The following CAPN14 variants were observed in gnomAD, a reference collection of about 807,000 sequenced individuals.
The protein encoded by CAPN14 is calpain 14.
A neutral mutation model predicts 101.3 loss-of-function variants in CAPN14; 94 were observed. The ratio of observed to expected loss-of-function variants is 0.93; its 90% confidence interval spans 0.79 to 1.10. CAPN14 has a LOEUF of 1.10. Among genes scored for constraint, CAPN14 ranks in the 50% least tolerant of loss-of-function variants. The pLI is 0.00. For missense variants in CAPN14, 837 were observed against 828.4 expected, an observed-to-expected ratio of 1.01 and a Z score of -0.13; for synonymous variants, 338 against 317.9, an observed-to-expected ratio of 1.06 and a Z score of -0.67.
At chr2:31,227,202 T>C (rs1247923264) in intron 1 of CAPN14, among the ~76,000 whole-genome samples, 1 of 152,202 alleles carries the variant, frequency 6.6e-6, no homozygotes, top group African/African-American at 2.4e-5. Context: ...TCTCGTGGTG[T>C]GGGCTTTCCT....
upstream of CAPN14, among the ~76,000 whole-genome samples, chr2:31,218,879 C>T (rs1366691099): frequency 6.6e-6 from 1 of 152,210 alleles, no homozygotes; most frequent in African/African-American, 2.4e-5. Context: ...TTCCCCCTGC[C>T]TCATGTGCCA....
chr2:31,203,266 T>C (rs999374118), intron 2 of CAPN14, 127 bp from the exon 3 acceptor site: 1 of 682,680 alleles, frequency 1.5e-6, no homozygotes, highest in African/African-American at 1.8e-5. Context: ...ATAGGTGTAA[T>C]CAGTGCTATC....
In CAPN14 at chr2:31,178,853, T is replaced by C. The variant is rs7578398; in HGVS notation, c.1711-274A>G. 0.33 allele frequency among the ~76,000 whole-genome samples: 50,812 copies of C among 151,824 alleles called. 10,107 individuals are homozygous for C. The highest frequency in any genetic ancestry group is 0.55 in the African/African-American group (22,680 of 41,356). ...ATGATGGTGATGACCACAGCTAGCA[T>C]TAAGGGAGGCAGAATTTTTTTAATG... On this transcript the variant is annotated intron_variant, in intron 17 of 21. Coordinates refer to ENST00000403897, the MANE Select transcript of CAPN14 (RefSeq NM_001145122.2).
intron 2 of CAPN14, among the ~76,000 whole-genome samples, chr2:31,204,046 G>T (rs1405027373): frequency 6.6e-6 from 1 of 152,334 alleles, no homozygotes; most frequent in East Asian, 1.9e-4. Context: ...AGGTTGGAGA[G>T]ATGTTAAAAT....
At position 31,192,208 on chromosome 2, in the gene CAPN14, C is replaced by A. The variant is rs990567665; in HGVS notation, c.1115-110G>T. 34 of 1,251,642 alleles carry A rather than the reference C, an allele frequency of 2.7e-5. No homozygotes were observed. In the African/African-American group the frequency reaches 4.7e-4, roughly 17 times the overall value. 77.5% of individuals were successfully genotyped at this position (1,251,642 alleles called of 1,614,324 possible). On this transcript the variant is annotated intron_variant, in intron 10 of 21. Coordinates refer to ENST00000403897, the MANE Select transcript of CAPN14 (RefSeq NM_001145122.2). Reference sequence around the variant, plus strand: ...AGGACGCCTCTGCCAGGATTGACACCCTGAGGCCCACTGGGACAGAGTCGG... The same window carrying A: ...AGGACGCCTCTGCCAGGATTGACACACTGAGGCCCACTGGGACAGAGTCGG...
intron 15 of CAPN14, among the ~76,000 whole-genome samples, chr2:31,187,543 G>A (rs1680960660): frequency 6.6e-6 from 1 of 152,160 alleles, no homozygotes; most frequent in South Asian, 2.1e-4. Flanking sequence ...TCCAAGAACA[G>A]AGAATCATTT....
chr2:31,201,178 T>A (rs559015068), intron 5 of CAPN14, among the ~76,000 whole-genome samples: 1 of 144,304 alleles, frequency 6.9e-6, no homozygotes, highest in Admixed American at 7.0e-5. Context: ...TGCGTGCATG[T>A]ATGTGCATGT....
chr2:31,186,990 A>T (rs915005617), intron 15 of CAPN14, among the ~76,000 whole-genome samples: 1 of 152,226 alleles, frequency 6.6e-6, no homozygotes, highest in Non-Finnish European at 1.5e-5. Flanking sequence ...ACTTTAACAA[A>T]CAATACATAT....
chr2:31,233,026 A>T (rs1023500796), intron 1 of CAPN14, among the ~76,000 whole-genome samples: 6 of 152,164 alleles, frequency 3.9e-5, no homozygotes, highest in African/African-American at 1.4e-4. Flanking sequence ...TCTACACACG[A>T]TGCACTGCTT....
At chr2:31,193,336 T>C (rs1184742994) in intron 9 of CAPN14, 42 bp from the exon 10 acceptor site, 1 of 1,542,632 alleles carries the variant, frequency 6.5e-7, no homozygotes. Flanking sequence ...ATGGACCAGA[T>C]AACGCCTAGT....
At chr2:31,191,069 A>T (rs1681152085) in intron 12 of CAPN14, among the ~76,000 whole-genome samples, 1 of 152,160 alleles carries the variant, frequency 6.6e-6, no homozygotes, top group South Asian at 2.1e-4. Context: ...GTAATTTATC[A>T]TCTTTCCTAT....
At position 31,186,447 on chromosome 2, in the gene CAPN14, C is replaced by T. The variant is rs770417574; in HGVS notation, c.1626G>A (p.Leu542=). 50 of 1,549,676 alleles carry T rather than the reference C, an allele frequency of 3.2e-5. No individual in the cohort carries two copies. The highest frequency in any genetic ancestry group is 4.2e-5 in the Non-Finnish European group (48 of 1,146,322). Residue 542 remains leucine, a synonymous_variant, in exon 16 of 22, where the codon CTG becomes CTA. Coordinates refer to ENST00000403897, the MANE Select transcript of CAPN14 (RefSeq NM_001145122.2). ...EINAVQLQNL[L]NQMTWSSLGS... is the part of the protein sequence containing the mutation. Reference sequence around the variant, plus strand: ...ACTTACTTGACCAGGTCATCTGGTTCAGGAGGTTCTGAAGTTGAACTGCAT... The same window carrying T: ...ACTTACTTGACCAGGTCATCTGGTTTAGGAGGTTCTGAAGTTGAACTGCAT...
In CAPN14 at chr2:31,192,883, C is replaced by T. The variant is rs530714241; in HGVS notation, c.1114+248G>A. ...CGGTGCTGACTGCGACAGGGCAACC[C>T]TCTGGGAAGATGCAGCCCCACAGGC... is the stretch of plus-strand genomic sequence containing the variant. On this transcript the variant is annotated intron_variant, in intron 10 of 21. Transcript: ENST00000403897. Among the ~76,000 whole-genome samples the T allele has an allele frequency of 4.6e-5, 7 of 152,290 alleles. No individual in the cohort carries two copies. In the South Asian group the frequency reaches 1.5e-3, roughly 32 times the overall value.
At chr2:31,229,755 T>G (rs916594530) in intron 1 of CAPN14, among the ~76,000 whole-genome samples, 13 of 151,912 alleles carry the variant, frequency 8.6e-5, no homozygotes, top group African/African-American at 2.9e-4. Flanking sequence ...AAGCTCCCTG[T>G]GTACCCATCC....
upstream of CAPN14, among the ~76,000 whole-genome samples, chr2:31,218,091 T>G (rs1042277987): frequency 1.3e-5 from 2 of 152,162 alleles, no homozygotes; most frequent in African/African-American, 4.8e-5. Flanking sequence ...ATTTTGGCCA[T>G]CTGGGACTCA....
chr2:31,186,334 T>C (rs1680898862), intron 16 of CAPN14, 94 bp downstream of exon 16: 5 of 842,298 alleles, frequency 5.9e-6, no homozygotes, highest in Non-Finnish European at 5.5e-6. Context: ...TGCTCAGTAA[T>C]TCACACATCC....
intron 6 of CAPN14, among the ~76,000 whole-genome samples, 164 bp from the exon 7 acceptor site, chr2:31,199,696 C>T (rs1681652482): frequency 6.6e-6 from 1 of 152,180 alleles, no homozygotes; most frequent in African/African-American, 2.4e-5. Flanking sequence ...TATCCATAGT[C>T]TCATTCCACC....
At chr2:31,218,964 A>G (rs1022857014), upstream of CAPN14, among the ~76,000 whole-genome samples, 1 of 58,364 alleles carries the variant, frequency 1.7e-5, no homozygotes, top group Non-Finnish European at 3.2e-5. Flanking sequence ...GAAGACCATT[A>G]TTATTATTAT....
At chr2:31,209,771 T>C (rs114160863) in intron 1 of CAPN14, among the ~76,000 whole-genome samples, 6,478 of 152,240 alleles carry the variant, frequency 0.043, 151 homozygotes, top group African/African-American at 0.056. Context: ...ACATCTCTTC[T>C]CAAGTCTGTA....
Sources: gnomAD v4.1 joint callset for allele counts (sites outside exome capture counted in the v4.1 genomes callset) on GRCh38, gnomAD v4.1.1 for gene constraint, MANE v1.5 for transcripts, NCBI Gene and HGNC (gene_info 2026-07-23, HGNC 2026-07-21) for gene names.